ALDH1A2: variants seen among roughly 807,000 people sequenced by gnomAD.
ALDH1A2 encodes retinal dehydrogenase 2.
Under a neutral mutation model 60.3 loss-of-function variants are expected in ALDH1A2, and 27 were observed. That is an observed-to-expected ratio of 0.45 (90% confidence interval 0.33 to 0.62). The LOEUF is 0.62. ALDH1A2 is among the 20% of genes least tolerant of loss of function. ALDH1A2 has a pLI of 0.02. For missense variants in ALDH1A2, 581 were observed against 643.8 expected (o/e 0.90, Z 1.06); for synonymous variants, 289 against 232.4 (o/e 1.24, Z -2.21).
Position 57,964,037 on chromosome 15 carries a change from C to T in ALDH1A2, c.934G>A (p.Val312Met), listed in dbSNP as rs1200984879. ...DYAVEQAHQG[V>M]FFNQGQCCTA... ...CAGCACTGACCTTGATTGAAGAACACACCCTGGTGGGCCTGCTCCACAGCA... is the reference window on the plus strand; with the variant it reads ...CAGCACTGACCTTGATTGAAGAACATACCCTGGTGGGCCTGCTCCACAGCA... The change falls in exon 9 of 13, where the codon GTG becomes ATG. Residue 312 changes from valine to methionine, a missense_variant. By Grantham distance (21) the Val-to-Met change is conservative. Coordinates refer to ENST00000249750, the MANE Select transcript of ALDH1A2 (RefSeq NM_003888.4). 1 of 1,614,150 alleles carries T rather than the reference C, an allele frequency of 6.2e-7. No individual in the cohort carries two copies. Among genetic ancestry groups the T allele is most frequent in the Non-Finnish European group, 8.5e-7 (1 of 1,180,018 alleles).
intron 3 of ALDH1A2, 140 bp downstream of exon 3, chr15:58,013,718 C>T (rs1895702912): frequency 2.5e-6 from 3 of 1,197,828 alleles, no homozygotes; most frequent in South Asian, 1.7e-5. Flanking sequence ...TGCCACTGCG[C>T]TCCAGCCTGG....
chr15:58,032,056 G>C (rs1343113880), intron 1 of ALDH1A2, among the ~76,000 whole-genome samples: 1 of 152,000 alleles, frequency 6.6e-6, no homozygotes, highest in Admixed American at 6.6e-5. Flanking sequence ...ACATGCACAC[G>C]TATGTTTATC....
At chr15:58,062,441 G>T (rs1311880465) in intron 1 of ALDH1A2, among the ~76,000 whole-genome samples, 3 of 152,156 alleles carry the variant, frequency 2.0e-5, no homozygotes, top group Non-Finnish European at 4.4e-5. Context: ...TGCAGTCAGG[G>T]GCGGTCAGTA....
intron 7 of ALDH1A2, among the ~76,000 whole-genome samples, chr15:57,985,033 C>T (rs562081992): frequency 1.3e-5 from 2 of 152,096 alleles, no homozygotes; most frequent in Middle Eastern, 3.4e-3. Flanking sequence ...ACTATTTTGT[C>T]GAGGATTTTT....
intron 1 of ALDH1A2, among the ~76,000 whole-genome samples, chr15:58,052,693 T>G (rs1324689958): frequency 6.6e-6 from 1 of 152,174 alleles, no homozygotes; most frequent in African/African-American, 2.4e-5. Context: ...ATTCAATGCC[T>G]GCATATCCAA....
chr15:58,031,252 C>G (rs1335118106), intron 1 of ALDH1A2, among the ~76,000 whole-genome samples: 1 of 152,118 alleles, frequency 6.6e-6, no homozygotes, highest in African/African-American at 2.4e-5. Flanking sequence ...CTGACAAAAA[C>G]AAGAAATGGT....
At chr15:58,015,474 T>C (rs1298316141) in intron 1 of ALDH1A2, among the ~76,000 whole-genome samples, 1 of 152,238 alleles carries the variant, frequency 6.6e-6, no homozygotes, top group Non-Finnish European at 1.5e-5. Context: ...TTAACACAGC[T>C]GTATTGATAC....
intron 1 of ALDH1A2, among the ~76,000 whole-genome samples, chr15:58,016,982 A>G (rs986392685): frequency 4.6e-5 from 7 of 152,192 alleles, no homozygotes; most frequent in Admixed American, 4.6e-4. Context: ...TAAGAGAAAG[A>G]TATTTCACAA....
rs35926838 is a variant in ALDH1A2 at position 57,992,692 on chromosome 15, T to A, written c.798+13A>T. 1,490 of 1,612,384 alleles carry A rather than the reference T, an allele frequency of 9.2e-4. 16 individuals carry two copies. The African/African-American group carries it at 0.017, about 18-fold the overall frequency. ...AAGACTGTTCCTCAAGCCCTGGTTT[T>A]TCAGATACCTACCTCAGTAGACCCT... On this transcript the variant is annotated intron_variant, in intron 7 of 12. Coordinates refer to ENST00000249750, the MANE Select transcript of ALDH1A2 (RefSeq NM_003888.4).
chr15:58,013,110 T>C (rs1196241382), intron 3 of ALDH1A2, among the ~76,000 whole-genome samples: 3 of 152,208 alleles, frequency 2.0e-5, no homozygotes, highest in African/African-American at 7.2e-5. Flanking sequence ...TATCTCCTGC[T>C]GTCTCTCCTT....
At chr15:57,974,060 G>A (rs1239225438) in intron 7 of ALDH1A2, among the ~76,000 whole-genome samples, 3 of 152,050 alleles carry the variant, frequency 2.0e-5, no homozygotes, top group African/African-American at 7.2e-5. Context: ...AATTCCTGTT[G>A]TTATAAAGCT....
intron 7 of ALDH1A2, among the ~76,000 whole-genome samples, chr15:57,988,885 T>C (rs1325478988): frequency 7.3e-6 from 1 of 136,870 alleles, no homozygotes; most frequent in Non-Finnish European, 1.6e-5. Context: ...GATATTGTTA[T>C]GTGCCGGGCG....
intron 7 of ALDH1A2, among the ~76,000 whole-genome samples, chr15:57,970,926 G>GTGTT (rs1223314304): frequency 6.6e-6 from 1 of 152,104 alleles, no homozygotes; most frequent in African/African-American, 2.4e-5. Flanking sequence ...TGGGGATTGG[G>GTGTT]TGTTTGTCTT....
At chr15:58,006,200 T>C (rs143527251) in intron 4 of ALDH1A2, among the ~76,000 whole-genome samples, 138 of 151,978 alleles carry the variant, frequency 9.1e-4, no homozygotes, top group Middle Eastern at 3.4e-3. Flanking sequence ...CAAAGTCCAT[T>C]ATAACAGTCT....
chr15:58,009,680 C>A (rs769740998), intron 4 of ALDH1A2, among the ~76,000 whole-genome samples: 1 of 151,758 alleles, frequency 6.6e-6, no homozygotes, highest in Non-Finnish European at 1.5e-5. Flanking sequence ...AAGGATATCT[C>A]TTCCTCCTAG....
intron 1 of ALDH1A2, among the ~76,000 whole-genome samples, chr15:58,032,914 A>C (rs1896282027): frequency 6.6e-6 from 1 of 152,090 alleles, no homozygotes; most frequent in Non-Finnish European, 1.5e-5. Context: ...AAGTAAAATA[A>C]GCCAGGCATA....
Position 57,953,844 on chromosome 15 carries a change from T to C in ALDH1A2, c.*1353A>G, listed in dbSNP as rs1893427984. The C allele has an allele frequency of 6.6e-6, 1 of 152,350 alleles. No individual in the cohort carries two copies. The highest frequency in any genetic ancestry group is 1.5e-5 in the Non-Finnish European group (1 of 68,046). 9.4% of individuals were successfully genotyped at this position (152,350 alleles called of 1,614,324 possible). On this transcript the variant is annotated 3_prime_UTR_variant, in exon 13 of 13. Coordinates refer to ENST00000249750, the MANE Select transcript of ALDH1A2 (RefSeq NM_003888.4). Reference sequence around the variant, plus strand: ...AATGATCTGCATTTAGGTTAGAGACTGGATTGGATTTGACAGCTGGAAAGA... The same window carrying C: ...AATGATCTGCATTTAGGTTAGAGACCGGATTGGATTTGACAGCTGGAAAGA...
chr15:57,995,176 A>T (rs755649051), intron 4 of ALDH1A2, 37 bp from the exon 5 acceptor site: 18 of 1,342,600 alleles, frequency 1.3e-5, no homozygotes, highest in Non-Finnish European at 1.8e-5. Flanking sequence ...CAGAAAGTTT[A>T]GATTAGGAAA....
chr15:58,039,224 C>A (rs1404623387), intron 1 of ALDH1A2, among the ~76,000 whole-genome samples: 1 of 151,712 alleles, frequency 6.6e-6, no homozygotes, highest in Non-Finnish European at 1.5e-5. Flanking sequence ...TAGCAAGAAC[C>A]TGGAATCCCT....
Sources: gnomAD v4.1 joint callset for allele counts (sites outside exome capture counted in the v4.1 genomes callset) on GRCh38, gnomAD v4.1.1 for gene constraint, MANE v1.5 for transcripts, NCBI Gene and HGNC (gene_info 2026-07-23, HGNC 2026-07-21) for gene names.